Variants in MIDEAS observed in about 807,000 individuals in gnomAD.
MIDEAS encodes the protein mitotic deacetylase-associated SANT domain protein.
MIDEAS carries 26 observed loss-of-function variants against 102.7 expected under a neutral mutation model. The observed-to-expected ratio is 0.25, with a 90% confidence interval of 0.19 to 0.35. The LOEUF (loss-of-function observed/expected upper bound fraction) is 0.35, where lower values mean the gene tolerates loss of function less well. Among genes scored for constraint, MIDEAS ranks in the 10% least tolerant of loss-of-function variants. The probability of loss-of-function intolerance (pLI) is 1.00; values close to 1 mark genes in which losing one functional copy is unlikely to be tolerated. For missense variants in MIDEAS, 1,231 were observed against 1,435.6 expected, an observed-to-expected ratio of 0.86 and a Z score of 2.30; for synonymous variants, 585 against 591.0, an observed-to-expected ratio of 0.99 and a Z score of 0.15.
rs1012208892 is a variant in MIDEAS, at chr14:73,715,766, GAAGA to G, written c.*3073_*3076del. On this transcript the variant is annotated 3_prime_UTR_variant, in exon 13 of 13. Coordinates refer to ENST00000423556, the MANE Select transcript of MIDEAS (RefSeq NM_001367710.1). ...CTTCATCTTAACATCTGGCACATGA[GAAGA>G]AAGAGGTTAGGTCACTGAGGCAGTT... is the stretch of plus-strand genomic sequence containing the variant. 3.3e-5 allele frequency: 5 copies of G among 152,614 alleles called. No individual in the cohort carries two copies. The highest frequency in any genetic ancestry group is 7.2e-5 in the African/African-American group (3 of 41,444). The allele number at this position is 152,614 out of a possible 1,614,324, so 9.5% of individuals were successfully genotyped here.
chr14:73,727,112 G>A (rs1384587481), intron 5 of MIDEAS, 140 bp from the exon 6 acceptor site: 2 of 1,096,472 alleles, frequency 1.8e-6, no homozygotes, highest in Admixed American at 2.9e-5. Context: ...GGCTTCTAGG[G>A]GCTTGGGAGG....
intron 1 of MIDEAS, among the ~76,000 whole-genome samples, chr14:73,751,705 A>G (rs2053422467): frequency 1.3e-5 from 2 of 152,170 alleles, no homozygotes; most frequent in Admixed American, 1.3e-4. Context: ...TTATGAGACC[A>G]GCCTGACCAA....
At chr14:73,748,814 AACTGTTATTATAGACAAAG>A (rs1466641491) in intron 1 of MIDEAS, among the ~76,000 whole-genome samples, 2 of 152,020 alleles carry the variant, frequency 1.3e-5, no homozygotes, top group Non-Finnish European at 2.9e-5. Context: ...TTAAGACAAA[AACTGTTATTATAGACAAAG>A]AATATTTTAT....
chr14:73,770,512 AGG>A (rs1446775792), intron 1 of MIDEAS, among the ~76,000 whole-genome samples: 1 of 152,020 alleles, frequency 6.6e-6, no homozygotes, highest in Non-Finnish European at 1.5e-5. Context: ...CCGGGAGAGG[AGG>A]GATTGTGACT....
chr14:73,730,094 C>A (rs753008070), intron 3 of MIDEAS, 109 bp from the exon 4 acceptor site: 1 of 1,102,946 alleles, frequency 9.1e-7, no homozygotes, highest in African/African-American at 1.6e-5. Context: ...CTGCCTACCA[C>A]ACCCACCAAG....
chr14:73,781,952 G>A (rs1016018358), intron 1 of MIDEAS, among the ~76,000 whole-genome samples: 1 of 151,986 alleles, frequency 6.6e-6, no homozygotes, highest in Non-Finnish European at 1.5e-5. Context: ...AGCTACTCAG[G>A]AAGCTGAGGC....
chr14:73,727,708 A>T (rs773718921), intron 4 of MIDEAS, 184 bp from the exon 5 acceptor site: 4 of 573,098 alleles, frequency 7.0e-6, no homozygotes, highest in Non-Finnish European at 1.2e-5. Context: ...CCTTCACTAA[A>T]TATTTGGGTG....
At chr14:73,768,448 C>A (rs561105670) in intron 1 of MIDEAS, among the ~76,000 whole-genome samples, 1 of 151,992 alleles carries the variant, frequency 6.6e-6, no homozygotes, top group Non-Finnish European at 1.5e-5. Flanking sequence ...GGCCATTCTC[C>A]CTCACAGATG....
chr14:73,756,174 C>T (rs770868204), intron 1 of MIDEAS, among the ~76,000 whole-genome samples: 14 of 151,936 alleles, frequency 9.2e-5, no homozygotes, highest in Non-Finnish European at 1.6e-4. Context: ...AAGCAGAAGT[C>T]GGTGTGGATG....
chr14:73,729,677 G>A lies in MIDEAS; in HGVS notation c.2058C>T (p.Ile686=), dbSNP rs1325093109. The A allele has an allele frequency of 1.2e-6, 2 of 1,613,666 alleles. No homozygotes were observed. Among genetic ancestry groups the A allele is most frequent in the Admixed American group, 1.7e-5 (1 of 60,034 alleles). ...GCGTGCGATGGGCACTCTTAGGCGT[G>A]ATGGGAGGAGGGGCAGGGATGGTGC... ...STSTIPAPPP[I]TPKSAHRTLL... is the part of the protein sequence containing the mutation. Residue 686 remains isoleucine (I), a synonymous_variant, in exon 4 of 13, where the codon ATC becomes ATT. Coordinates refer to ENST00000423556, the MANE Select transcript of MIDEAS (RefSeq NM_001367710.1).
At chr14:73,756,308 G>C (rs1289831308) in intron 1 of MIDEAS, among the ~76,000 whole-genome samples, 1 of 146,452 alleles carries the variant, frequency 6.8e-6, no homozygotes, top group Non-Finnish European at 1.5e-5. Context: ...GCGCGCGCGT[G>C]CGCGCTGAGG....
In MIDEAS at chr14:73,729,706, T is replaced by C; in HGVS notation, c.2029A>G (p.Thr677Ala). 6.2e-7 allele frequency: 1 copy of C among 1,613,892 alleles called. No individual in the cohort carries two copies. The highest frequency in any genetic ancestry group is 8.5e-7 in the Non-Finnish European group (1 of 1,180,014). Residue 677 changes from threonine to alanine, a missense_variant, in exon 4 of 13, where the codon ACC (threonine) becomes GCC (alanine). Transcript: ENST00000423556. ...GGAGGAGGGGCAGGGATGGTGCTGGTTGATATGATGGCATTGAAGTAGAGG... is the reference window on the plus strand; with the variant it reads ...GGAGGAGGGGCAGGGATGGTGCTGGCTGATATGATGGCATTGAAGTAGAGG... ...SGLYFNAIIS[T>A]STIPAPPPIT... is the part of the protein sequence containing the mutation.
chr14:73,722,352 C>T (rs776664285), intron 10 of MIDEAS: 42 of 171,364 alleles, frequency 2.5e-4, no homozygotes, highest in Non-Finnish European at 3.6e-4. Context: ...CTAATGGCGA[C>T]ACATGGTAGG....
chr14:73,747,426 C>T (rs372367667), intron 1 of MIDEAS, among the ~76,000 whole-genome samples: 44 of 152,190 alleles, frequency 2.9e-4, no homozygotes, highest in African/African-American at 1.0e-3. Flanking sequence ...AGCTGCATGC[C>T]GAATATGCGA....
intron 7 of MIDEAS, 106 bp downstream of exon 7, chr14:73,726,498 C>G: frequency 9.2e-7 from 1 of 1,088,150 alleles, no homozygotes; most frequent in Admixed American, 2.2e-5. Flanking sequence ...GACCCTCCTA[C>G]TGGCCTCAAA....
chr14:73,726,483 A>T, intron 7 of MIDEAS, 121 bp downstream of exon 7: 3 of 946,690 alleles, frequency 3.2e-6, no homozygotes, highest in Non-Finnish European at 4.8e-6. Flanking sequence ...CCCCTTCCTT[A>T]GTCAGACCCT....
At position 73,740,053 on chromosome 14, in the gene MIDEAS, C is replaced by A; in HGVS notation, c.-45G>T. The stretch of plus-strand genomic sequence containing the variant: ...TGGCGGTGAGATCCCCTTCAACAGT[C>A]GCCCATCCCCTGGGGAAACGTCCTG... On this transcript the variant is annotated 5_prime_UTR_variant, in exon 2 of 13. Coordinates refer to ENST00000423556, the MANE Select transcript of MIDEAS (RefSeq NM_001367710.1). The A allele has an allele frequency of 7.0e-7, 1 of 1,426,176 alleles. No homozygotes were observed. Among genetic ancestry groups the A allele is most frequent in the Non-Finnish European group, 9.2e-7 (1 of 1,087,478 alleles). The allele number at this position is 1,426,176 out of a possible 1,614,324, so 88.3% of individuals were successfully genotyped here. A position where few individuals can be genotyped will look rare whatever the true frequency, so the allele number is the denominator to read the frequency against.
At chr14:73,784,475 G>A (rs1387463418) in intron 1 of MIDEAS, among the ~76,000 whole-genome samples, 1 of 152,230 alleles carries the variant, frequency 6.6e-6, no homozygotes, top group Admixed American at 6.5e-5. Flanking sequence ...GCCTTTACAA[G>A]AGGCCCCTCC....
intron 10 of MIDEAS, 168 bp from the exon 11 acceptor site, chr14:73,721,677 T>C: frequency 1.6e-6 from 1 of 616,584 alleles, no homozygotes; most frequent in Non-Finnish European, 2.9e-6. Flanking sequence ...CATGGCATAG[T>C]AGCCATGGGG....
Sources: gnomAD v4.1 joint callset for allele counts (sites outside exome capture counted in the v4.1 genomes callset) on GRCh38, gnomAD v4.1.1 for gene constraint, MANE v1.5 for transcripts, NCBI Gene and HGNC (gene_info 2026-07-23, HGNC 2026-07-21) for gene names.